The following GPM6A variants were observed in gnomAD, a reference collection of about 807,000 sequenced individuals.
GPM6A encodes the protein neuronal membrane glycoprotein M6-a.
A neutral mutation model predicts 32.1 loss-of-function variants in GPM6A; 7 were observed. The observed-to-expected ratio is 0.22, with a 90% CI of 0.12 to 0.41. GPM6A has a LOEUF of 0.41. Ranked by LOEUF, GPM6A falls within the 10% of genes least tolerant of loss-of-function variation. The probability of loss-of-function intolerance (pLI) is 1.00; values close to 1 mark genes in which losing one functional copy is unlikely to be tolerated. For missense variants in GPM6A, 235 were observed against 347.2 expected (o/e 0.68, Z 2.57); for synonymous variants, 130 against 123.4 (o/e 1.05, Z -0.35).
At chr4:175,806,788 A>G (rs1734714055) in intron 1 of GPM6A, 1 of 152,250 alleles carries the variant, frequency 6.6e-6, no homozygotes, top group African/African-American at 2.4e-5. Context: ...CAATGCTAGT[A>G]AAAGCACAGC....
Position 175,739,851 on chromosome 4 carries a change from A to G in GPM6A, c.38-38084T>C, listed in dbSNP as rs572160295. ...ATCTATTAAGAAGTTAACGTTTAGAAATTACTAAATTATTTATGCCTTACT... is the reference window on the plus strand; with the variant it reads ...ATCTATTAAGAAGTTAACGTTTAGAGATTACTAAATTATTTATGCCTTACT... On this transcript the variant is annotated intron_variant, in intron 1 of 6. Coordinates refer to ENST00000393658, the MANE Select transcript of GPM6A (RefSeq NM_201591.3). 8.3e-4 allele frequency among the ~76,000 whole-genome samples: 126 copies of G among 152,230 alleles called. No individual in the cohort carries two copies. In the Middle Eastern group the frequency reaches 0.01, roughly 12 times the overall value.
intron 1 of GPM6A, among the ~76,000 whole-genome samples, chr4:175,746,894 A>G (rs1732126114): frequency 6.6e-6 from 1 of 152,174 alleles, no homozygotes; most frequent in African/African-American, 2.4e-5. Flanking sequence ...AGCAAGTACT[A>G]TAATTTGGAA....
rs34011904 is a variant in GPM6A, at chr4:175,900,273, T to TA, written c.-22-88025dup. ...GGGTGACAAGAGCAAGACTCTGTCT[T>TA]AAAAAAAAAAAAAGAGAGAAGAAAA... On this transcript the variant is annotated intron_variant, in intron 1 of 7. Transcript: ENST00000280187. Among the ~76,000 whole-genome samples, 675 of 116,376 alleles carry TA rather than the reference T, an allele frequency of 5.8e-3. 10 individuals carry two copies. The highest frequency in any genetic ancestry group is 0.017 in the African/African-American group (506 of 29,460). 76.3% of individuals were successfully genotyped at this position (116,376 alleles called of 152,430 possible).
chr4:175,924,743 G>C (rs1317476709), intron 1 of GPM6A, among the ~76,000 whole-genome samples: 2 of 151,830 alleles, frequency 1.3e-5, no homozygotes, highest in Non-Finnish European at 2.9e-5. Flanking sequence ...GGGAGGCTGA[G>C]GCAGGAGAAT....
At chr4:175,998,397 C>T (rs1741376021) in intron 1 of GPM6A, among the ~76,000 whole-genome samples, 2 of 152,082 alleles carry the variant, frequency 1.3e-5, no homozygotes, top group African/African-American at 4.8e-5. Flanking sequence ...ACTGATCCAC[C>T]CAGCTCGTCC....
chr4:175,643,547 G>A (rs1209690970), intron 4 of GPM6A, among the ~76,000 whole-genome samples: 1 of 151,896 alleles, frequency 6.6e-6, no homozygotes, highest in Non-Finnish European at 1.5e-5. Context: ...AATGACAACT[G>A]CTCAGTGCAA....
At chr4:175,672,244 C>T (rs541975268) in intron 3 of GPM6A, among the ~76,000 whole-genome samples, 2 of 152,306 alleles carry the variant, frequency 1.3e-5, no homozygotes, top group African/African-American at 4.8e-5. Flanking sequence ...TTCAGACCCC[C>T]TTATCTCTTT....
intron 2 of GPM6A, among the ~76,000 whole-genome samples, chr4:175,677,734 A>G (rs1361910927): frequency 6.6e-6 from 1 of 152,148 alleles, no homozygotes; most frequent in Non-Finnish European, 1.5e-5. Context: ...ACACTCTCAA[A>G]GAACTAGATA....
intron 1 of GPM6A, among the ~76,000 whole-genome samples, chr4:175,898,329 A>G (rs528738848): frequency 1.3e-5 from 2 of 152,256 alleles, no homozygotes; most frequent in African/African-American, 2.4e-5. Context: ...CTGACACCCA[A>G]CTACCTCTGA....
At chr4:175,705,491 T>C (rs1307314653) in intron 1 of GPM6A, among the ~76,000 whole-genome samples, 1 of 152,174 alleles carries the variant, frequency 6.6e-6, no homozygotes, top group Non-Finnish European at 1.5e-5. Context: ...AGTTGCCTAT[T>C]CGTTTTAAAA....
At chr4:175,868,209 C>G (rs1736799733) in intron 1 of GPM6A, among the ~76,000 whole-genome samples, 2 of 152,190 alleles carry the variant, frequency 1.3e-5, no homozygotes, top group Admixed American at 6.5e-5. Context: ...TTGGAGGCAA[C>G]AGTTTGCCCT....
intron 1 of GPM6A, among the ~76,000 whole-genome samples, chr4:175,870,547 A>G (rs1449330664): frequency 6.6e-6 from 1 of 152,200 alleles, no homozygotes; most frequent in Non-Finnish European, 1.5e-5. Context: ...TTTTTACTTT[A>G]CATTCTAAAT....
chr4:175,735,236 G>T (rs1368875578), intron 1 of GPM6A, among the ~76,000 whole-genome samples: 1 of 152,076 alleles, frequency 6.6e-6, no homozygotes, highest in Non-Finnish European at 1.5e-5. Flanking sequence ...AATTTTATAG[G>T]AAAGCTAGAA....
intron 1 of GPM6A, among the ~76,000 whole-genome samples, chr4:175,895,547 T>C (rs1048061501): frequency 2.0e-5 from 3 of 152,174 alleles, no homozygotes; most frequent in African/African-American, 7.2e-5. Flanking sequence ...TACAGGTATG[T>C]ATATCACCAA....
chr4:175,736,632 T>C lies in GPM6A; in HGVS notation c.38-34865A>G, dbSNP rs576998588. Among the ~76,000 whole-genome samples the C allele has an allele frequency of 3.8e-4, 58 of 152,316 alleles. 1 individual carries two copies. In the South Asian group the frequency reaches 0.01, roughly 27 times the overall value. On this transcript the variant is annotated intron_variant, in intron 1 of 6. Coordinates refer to ENST00000393658, the MANE Select transcript of GPM6A (RefSeq NM_201591.3). ...AAATTTACTGAGTAAAAACTTCTAGTGAAATATAGCCTTCAGATTTATTTT... is the reference window on the plus strand; with the variant it reads ...AAATTTACTGAGTAAAAACTTCTAGCGAAATATAGCCTTCAGATTTATTTT...
chr4:175,963,613 C>T (rs1039544591), intron 1 of GPM6A, among the ~76,000 whole-genome samples: 14 of 151,850 alleles, frequency 9.2e-5, no homozygotes, highest in African/African-American at 2.4e-4. Flanking sequence ...TGCTGGTAGA[C>T]GCTTCTTTAA....
At chr4:175,913,125 A>G (rs1249665751) in intron 1 of GPM6A, among the ~76,000 whole-genome samples, 2 of 152,172 alleles carry the variant, frequency 1.3e-5, no homozygotes, top group Admixed American at 1.3e-4. Flanking sequence ...TGCAAAATAT[A>G]TTGCTGAATT....
chr4:175,846,719 T>C (rs9312589), intron 1 of GPM6A, among the ~76,000 whole-genome samples: 52,205 of 151,992 alleles, frequency 0.34, 8,970 homozygotes, highest in African/African-American at 0.36. Flanking sequence ...TTTTCATAAA[T>C]GTGCAAAAGC....
Position 175,912,998 on chromosome 4 carries a change from A to G in GPM6A, c.-23+89311T>C, listed in dbSNP as rs1167637664. On this transcript the variant is annotated intron_variant, in intron 1 of 7. Transcript: ENST00000280187. ...TTTTTCCCTAAAATTTACTTTATAT[A>G]TACATACGTATATGGCAAACTGGTT... 6.6e-5 allele frequency among the ~76,000 whole-genome samples: 10 copies of G among 152,338 alleles called. 1 individual carries two copies. In the South Asian group the frequency reaches 1.4e-3, roughly 22 times the overall value.
Sources: gnomAD v4.1 joint callset for allele counts (sites outside exome capture counted in the v4.1 genomes callset) on GRCh38, gnomAD v4.1.1 for gene constraint, MANE v1.5 for transcripts, NCBI Gene and HGNC (gene_info 2026-07-23, HGNC 2026-07-21) for gene names.